HNF1A: variants seen among roughly 807,000 people sequenced by gnomAD.
The protein encoded by HNF1A is HNF1 homeobox A.
In HNF1A, 21 loss-of-function variants were observed where a neutral mutation model predicts 62.2. The ratio of observed to expected loss-of-function variants is 0.34; its 90% CI spans 0.24 to 0.49. The LOEUF is 0.49. HNF1A is among the 20% of genes least tolerant of loss of function. The pLI is 0.99. For missense variants in HNF1A, 687 were observed against 832.3 expected (o/e 0.83, Z 2.15); for synonymous variants, 374 against 366.8 (o/e 1.02, Z -0.22).
In HNF1A at chr12:120,993,601, G is replaced by A. The variant is rs587780357; in HGVS notation, c.608G>A (p.Arg203His). The change falls in exon 3 of 10, where the codon CGT (arginine) becomes CAT (histidine). Residue 203 changes from arginine (R) to histidine (H), a missense_variant. By Grantham distance (29) the Arg-to-His change is conservative. Transcript: ENST00000257555. ...ELPTKKGRRN[R>H]FKWGPASQQI... Reference sequence around the variant, plus strand: ...CCAACCAAGAAGGGGCGGAGGAACCGTTTCAAGTGGGGCCCAGCATCCCAG... The same window carrying A: ...CCAACCAAGAAGGGGCGGAGGAACCATTTCAAGTGGGGCCCAGCATCCCAG... 1.2e-6 allele frequency: 2 copies of A among 1,614,156 alleles called. No individual in the cohort carries two copies. Among genetic ancestry groups the A allele is most frequent in the African/African-American group, 1.3e-5 (1 of 75,042 alleles).
At position 120,983,865 on chromosome 12, in the gene HNF1A, C is replaced by G. The variant is rs890105064; in HGVS notation, c.326+4771C>G. On this transcript the variant is annotated intron_variant, in intron 1 of 9. Coordinates refer to ENST00000257555, the MANE Select transcript of HNF1A (RefSeq NM_000545.8). ...CCAGCCTTGGCCTCTTAGTTCTGAG[C>G]TAGGACAGTTGGAGAATCTGCCCTC... Among the ~76,000 whole-genome samples the G allele has an allele frequency of 4.0e-5, 6 of 151,154 alleles. No homozygotes were observed. The South Asian group carries it at 1.0e-3, about 26-fold the overall frequency.
intron 7 of HNF1A, 28 bp from the exon 8 acceptor site, chr12:120,999,240 C>G: frequency 6.2e-7 from 1 of 1,613,642 alleles, no homozygotes; most frequent in Non-Finnish European, 8.5e-7. Context: ...ACGTCTGCCA[C>G]GTCTGCCCCT....
chr12:120,989,687 T>C (rs11065386), intron 2 of HNF1A, among the ~76,000 whole-genome samples: 8,887 of 152,234 alleles, frequency 0.058, 531 homozygotes, highest in East Asian at 0.25. Flanking sequence ...GGCCACTATT[T>C]ATCATGCATT....
chr12:120,989,182 A>G, intron 2 of HNF1A, 150 bp downstream of exon 2: 2 of 782,622 alleles, frequency 2.6e-6, no homozygotes, highest in Non-Finnish European at 4.3e-6. Flanking sequence ...TTTATTACCT[A>G]TTCTGCGCCA....
chr12:120,988,939 T>C lies in HNF1A; in HGVS notation c.433T>C (p.Ser145Pro), dbSNP rs1248375417. Residue 145 changes from serine (S) to proline (P), a missense_variant, in exon 2 of 10, where the codon TCC becomes CCC. By Grantham distance (74) the Ser-to-Pro change is moderately conservative (BLOSUM62 -1). Coordinates refer to ENST00000257555, the MANE Select transcript of HNF1A (RefSeq NM_000545.8). ...DTTGLNQSHL[S>P]QHLNKGTPMK... ...CACTGGCCTCAACCAGTCCCACCTG[T>C]CCCAACACCTCAACAAGGGCACTCC... is the stretch of plus-strand genomic sequence containing the variant. 1 of 1,614,176 alleles carries C rather than the reference T, an allele frequency of 6.2e-7. No individual in the cohort carries two copies. The highest frequency in any genetic ancestry group is 1.7e-5 in the Admixed American group (1 of 60,026).
rs1337274331 is a variant in HNF1A, at chr12:120,999,605, C to T, written c.1746C>T (p.His582=). 6.2e-7 allele frequency: 1 copy of T among 1,611,484 alleles called. No individual in the cohort carries two copies. The highest frequency in any genetic ancestry group is 1.7e-5 in the Admixed American group (1 of 59,992). Residue 582 remains histidine, a synonymous_variant, in exon 9 of 10, where the codon CAC becomes CAT. Coordinates refer to ENST00000257555, the MANE Select transcript of HNF1A (RefSeq NM_000545.8). ...PASIQHLQPA[H]RLSASPTVSS... The stretch of plus-strand genomic sequence containing the variant: ...GCATCCAGCACCTGCAGCCGGCCCA[C>T]CGGCTCAGCGCCAGCCCCACAGGTG...
At chr12:120,982,002 T>C (rs1019677085) in intron 1 of HNF1A, among the ~76,000 whole-genome samples, 2 of 152,196 alleles carry the variant, frequency 1.3e-5, no homozygotes, top group African/African-American at 2.4e-5. Context: ...CCAGAGTTCC[T>C]TCCTGGGTGT....
At position 120,994,315 on chromosome 12, in the gene HNF1A, C is replaced by A. The variant is rs765829022; in HGVS notation, c.865C>A (p.Pro289Thr). The part of the protein sequence containing the change: ...HKLAMDTYSG[P>T]PPGPGPGPAL... ...GCTGGCCATGGACACGTACAGCGGG[C>A]CCCCCCCAGGGCCAGGCCCGGGACC... Residue 289 changes from proline (P) to threonine (T), a missense_variant, in exon 4 of 10, where the codon CCC becomes ACC. By Grantham distance (38) the Pro-to-Thr change is conservative (BLOSUM62 -1). This residue lies in a region of HNF1A where 408 missense variants were observed against 455.3 expected (regional missense o/e 0.90). Coordinates refer to ENST00000257555, the MANE Select transcript of HNF1A (RefSeq NM_000545.8). 4.4e-6 allele frequency: 7 copies of A among 1,595,544 alleles called. No individual in the cohort carries two copies. Among genetic ancestry groups the A allele is most frequent in the Admixed American group, 1.7e-5 (1 of 59,050 alleles).
Position 120,996,862 on chromosome 12 carries a change from G to A in HNF1A, c.1309+120G>A, listed in dbSNP as rs1176299327. ...CATTCATACAACATGTATTTATCCA[G>A]TGCCTACTCTGGACCAGTCACTGTG... On this transcript the variant is annotated intron_variant, in intron 6 of 9. Transcript: ENST00000257555. This position sits in a 1 kb window ranked among gnomAD's most constrained non-coding sequence, Gnocchi z 4.5. 1 of 1,540,378 alleles carries A rather than the reference G, an allele frequency of 6.5e-7. No homozygotes were observed. The highest frequency in any genetic ancestry group is 2.0e-5 in the Admixed American group (1 of 50,864).
chr12:120,999,237 C>T (rs770631644), intron 7 of HNF1A, 31 bp from the exon 8 acceptor site: 6 of 1,613,410 alleles, frequency 3.7e-6, no homozygotes, highest in Non-Finnish European at 5.1e-6. Context: ...GGCACGTCTG[C>T]CACGTCTGCC....
rs1876931889 is a variant in HNF1A, at chr12:120,993,545, G to T, written c.552G>T (p.Gly184=). The T allele has an allele frequency of 6.2e-7, 1 of 1,614,124 alleles. No individual in the cohort carries two copies. The highest frequency in any genetic ancestry group is 8.5e-7 in the Non-Finnish European group (1 of 1,180,010). Residue 184 remains glycine (G), a synonymous_variant, in exon 3 of 10, where the codon GGG becomes GGT. Transcript: ENST00000257555. ...AQQFTHAGQG[G]LIEEPTGDEL... ...AGTTCACCCATGCAGGGCAGGGAGG[G>T]CTGATTGAAGAGCCCACAGGTGATG...
rs1565883523 is a variant in HNF1A, at chr12:120,988,884, C to T, written c.378C>T (p.His126=). The change falls in exon 2 of 10, where the codon CAC becomes CAT. Residue 126 remains histidine, a synonymous_variant. Coordinates refer to ENST00000257555, the MANE Select transcript of HNF1A (RefSeq NM_000545.8). The part of the protein sequence containing the change: ...AKMVKSYLQQ[H]NIPQREVVDT... The stretch of plus-strand genomic sequence containing the variant: ...TGGTCAAGTCCTACCTGCAGCAGCA[C>T]AACATCCCACAGCGGGAGGTGGTCG... 1 of 1,614,276 alleles carries T rather than the reference C, an allele frequency of 6.2e-7. No homozygotes were observed. The highest frequency in any genetic ancestry group is 1.1e-5 in the South Asian group (1 of 91,088).
At chr12:120,986,407 T>A (rs1876511516) in intron 1 of HNF1A, among the ~76,000 whole-genome samples, 1 of 152,236 alleles carries the variant, frequency 6.6e-6, no homozygotes, top group Non-Finnish European at 1.5e-5. Context: ...AATTGCCTTC[T>A]ACTTGTGCCA....
At chr12:120,980,765 G>C (rs1483113724) in intron 1 of HNF1A, 1 of 152,356 alleles carries the variant, frequency 6.6e-6, no homozygotes, top group African/African-American at 2.4e-5. Context: ...GACCAGCAGA[G>C]ACCTGGAAGC....
In HNF1A at chr12:120,996,338, G is replaced by A; in HGVS notation, c.1032G>A (p.Val344=). Residue 344 remains valine, a synonymous_variant, in exon 5 of 10, where the codon GTG becomes GTA. Coordinates refer to ENST00000257555, the MANE Select transcript of HNF1A (RefSeq NM_000545.8). This position sits in a 1 kb window ranked among gnomAD's most constrained non-coding sequence, Gnocchi z 4.5. The part of the protein sequence containing the change: ...PSSSGGPLVT[V]STPLHQVSPT... ...GCAGCGGCGGTCCCTTAGTGACAGTGTCTACACCCCTCCACCAAGTGTCCC... is the reference window on the plus strand; with the variant it reads ...GCAGCGGCGGTCCCTTAGTGACAGTATCTACACCCCTCCACCAAGTGTCCC... The A allele has an allele frequency of 6.2e-7, 1 of 1,614,150 alleles. No individual in the cohort carries two copies. Among genetic ancestry groups the A allele is most frequent in the African/African-American group, 1.3e-5 (1 of 75,040 alleles).
rs1877545428 is a variant in HNF1A at position 121,002,213 on chromosome 12, A to G, written c.*1021A>G. On this transcript the variant is annotated 3_prime_UTR_variant, in exon 10 of 10. Coordinates refer to ENST00000257555, the MANE Select transcript of HNF1A (RefSeq NM_000545.8). Reference sequence around the variant, plus strand: ...CAGGGCACAGGAGCTACCTGTGTGGACAGGACTAACACTCAGAAGCCTGGG... The same window carrying G: ...CAGGGCACAGGAGCTACCTGTGTGGGCAGGACTAACACTCAGAAGCCTGGG... 1 of 449,952 alleles carries G rather than the reference A, an allele frequency of 2.2e-6. No homozygotes were observed. Among genetic ancestry groups the G allele is most frequent in the Non-Finnish European group, 4.2e-6 (1 of 236,326 alleles). 27.9% of individuals were successfully genotyped at this position (449,952 alleles called of 1,614,324 possible). A position where few individuals can be genotyped will look rare whatever the true frequency, so the allele number is the denominator to read the frequency against.
chr12:120,996,893 T>G lies in HNF1A; in HGVS notation c.1309+151T>G, dbSNP rs1877135433. 3 of 1,511,850 alleles carry G rather than the reference T, an allele frequency of 2.0e-6. No homozygotes were observed. The highest frequency in any genetic ancestry group is 4.9e-5 in the East Asian group (2 of 40,672). 93.7% of individuals were successfully genotyped at this position (1,511,850 alleles called of 1,614,324 possible). On this transcript the variant is annotated intron_variant, in intron 6 of 9. Transcript: ENST00000257555. This position sits in a 1 kb window ranked among gnomAD's most constrained non-coding sequence, Gnocchi z 4.5. ...ACTCTGGACCAGTCACTGTGCTACATCAGTGATACCTGGGTGAACCAAACA... is the reference window on the plus strand; with the variant it reads ...ACTCTGGACCAGTCACTGTGCTACAGCAGTGATACCTGGGTGAACCAAACA...
Position 120,978,597 on chromosome 12 carries a change from A to AGGGTTGG in HNF1A, c.-160_-154dup, listed in dbSNP as rs538476099. 4,554 of 664,898 alleles carry AGGGTTGG rather than the reference A, an allele frequency of 6.8e-3. 21 individuals are homozygous for AGGGTTGG. Among genetic ancestry groups the AGGGTTGG allele is most frequent in the Non-Finnish European group, 8.8e-3 (3,258 of 370,988 alleles). 41.2% of individuals were successfully genotyped at this position (664,898 alleles called of 1,614,324 possible). On this transcript the variant is annotated 5_prime_UTR_variant, in exon 1 of 10. Transcript: ENST00000257555. Reference sequence around the variant, plus strand: ...CCCTGATTCACGGGCCGCTGGGGCCAGGGTTGGGGGTTGGGGGTGCCCACA... The same window carrying AGGGTTGG: ...CCCTGATTCACGGGCCGCTGGGGCCAGGGTTGGGGGTTGGGGGTTGGGGGTGCCCACA...
At chr12:120,992,622 T>C (rs1346104515) in intron 2 of HNF1A, among the ~76,000 whole-genome samples, 1 of 151,970 alleles carries the variant, frequency 6.6e-6, no homozygotes, top group Non-Finnish European at 1.5e-5. Context: ...CCAATACAGA[T>C]AAAAAATAGA....
Sources: allele counts gnomAD v4.1 joint callset (sites outside exome capture counted in the v4.1 genomes callset), GRCh38; gene constraint gnomAD v4.1.1; regional missense constraint gnomAD v4.1.1; non-coding constraint Gnocchi (gnomAD v3.1); transcripts MANE v1.5; gene names NCBI Gene and HGNC (gene_info 2026-07-23, HGNC 2026-07-21).